Variants in RGPD2 observed in about 807,000 individuals in gnomAD.
RGPD2 encodes the protein RANBP2 like and GRIP domain containing 2, also known as RANBP2-like and GRIP domain-containing protein 2.
In RGPD2, 2 loss-of-function variants were observed where a neutral mutation model predicts 36.0. The ratio of observed to expected loss-of-function variants is 0.06; its 90% CI spans 0.02 to 0.17. RGPD2 has a LOEUF of 0.17. Ranked by LOEUF, RGPD2 falls within the 10% of genes least tolerant of loss-of-function variation. RGPD2 has a pLI of 1.00. For synonymous variants in RGPD2, 19 were observed against 163.8 expected (o/e 0.12, Z 6.75); for missense variants, 40 against 464.3 (o/e 0.09, Z 8.40).
chr2:87,988,521 ATAAATATATATATATATATATTTTTTT>A, the RGPD2 span, among the ~76,000 whole-genome samples: 1 of 27,334 alleles, frequency 3.7e-5, no homozygotes, highest in Admixed American at 4.9e-4. Context: ...ATATATACAT[ATAAATATATATATATATATATTTTTTT>A]TTTTTCTTTT....
At chr2:87,856,837 T>G in the RGPD2 span, among the ~76,000 whole-genome samples, 1 of 151,878 alleles carries the variant, frequency 6.6e-6, no homozygotes, top group South Asian at 2.1e-4. Flanking sequence ...TGCAGACGAA[T>G]TTTTTCACTT....
At chr2:87,885,502 G>T in the RGPD2 span, among the ~76,000 whole-genome samples, 1 of 151,638 alleles carries the variant, frequency 6.6e-6, no homozygotes, top group Non-Finnish European at 1.5e-5. Flanking sequence ...CCTAGCCAGA[G>T]CAATTAGGCA....
At chr2:87,907,414 T>TAAAAAAAAAAAAAAAAAAAAAAAA in the RGPD2 span, among the ~76,000 whole-genome samples, 1 of 3,440 alleles carries the variant, frequency 2.9e-4, no homozygotes, top group Non-Finnish European at 4.4e-4. Context: ...TAGAGTATAA[T>TAAAAAAAAAAAAAAAAAAAAAAAA]AAAAAAAAAA....
the RGPD2 span, among the ~76,000 whole-genome samples, chr2:87,975,040 C>T: frequency 6.6e-6 from 1 of 152,164 alleles, no homozygotes; most frequent in Non-Finnish European, 1.5e-5. Flanking sequence ...CCTATTACCC[C>T]TCTAATTTAT....
At chr2:87,986,136 CT>C in the RGPD2 span, among the ~76,000 whole-genome samples, 641 of 88,494 alleles carry the variant, frequency 7.2e-3, 12 homozygotes, top group African/African-American at 0.024. Flanking sequence ...CTGAAGACAG[CT>C]TTTTTTTTTT....
the RGPD2 span, among the ~76,000 whole-genome samples, chr2:87,832,097 A>T: frequency 6.8e-5 from 10 of 147,616 alleles, no homozygotes; most frequent in East Asian, 2.0e-3. Context: ...CTACTAAAAA[A>T]TGGTTGATTA....
At chr2:87,939,572 C>T in the RGPD2 span, among the ~76,000 whole-genome samples, 1 of 151,884 alleles carries the variant, frequency 6.6e-6, no homozygotes, top group South Asian at 2.1e-4. Context: ...AAAGTGTTAG[C>T]TTTCATTGTG....
chr2:87,915,423 A>G, the RGPD2 span, among the ~76,000 whole-genome samples: 2 of 141,734 alleles, frequency 1.4e-5, no homozygotes, highest in South Asian at 4.3e-4. Context: ...ATATATGTAT[A>G]TGTATATATG....
At chr2:87,824,960 A>G in intron 1 of RGPD2, 1 of 385,872 alleles carries the variant, frequency 2.6e-6, no homozygotes. Context: ...ACTAAATACT[A>G]CCGTATGGCC....
At chr2:87,857,202 A>G in the RGPD2 span, among the ~76,000 whole-genome samples, 1 of 152,280 alleles carries the variant, frequency 6.6e-6, no homozygotes, top group Non-Finnish European at 1.5e-5. Flanking sequence ...TTATTTTCAT[A>G]GCATAGATTA....
chr2:87,905,562 A>G, the RGPD2 span, among the ~76,000 whole-genome samples: 6 of 151,422 alleles, frequency 4.0e-5, no homozygotes, highest in Non-Finnish European at 8.8e-5. Context: ...CGATTCAATC[A>G]TTTTTAGTAA....
chr2:87,937,286 G>T, the RGPD2 span, among the ~76,000 whole-genome samples: 1 of 151,772 alleles, frequency 6.6e-6, no homozygotes, highest in Non-Finnish European at 1.5e-5. Context: ...TGAATGTCTA[G>T]ATGGAGAAGT....
chr2:87,834,451 A>G, the RGPD2 span, among the ~76,000 whole-genome samples: 10 of 152,244 alleles, frequency 6.6e-5, no homozygotes, highest in East Asian at 1.5e-3. Context: ...TGTAGAATAT[A>G]GTAAAAAATG....
At chr2:87,772,712 T>C (rs1393904532) in intron 21 of RGPD2, among the ~76,000 whole-genome samples, 2 of 95,498 alleles carry the variant, frequency 2.1e-5, no homozygotes, top group African/African-American at 3.9e-5. Context: ...AGGGGTGAAG[T>C]AGAAAAGCAA....
At chr2:87,877,435 G>T in the RGPD2 span, among the ~76,000 whole-genome samples, 1 of 152,284 alleles carries the variant, frequency 6.6e-6, no homozygotes, top group African/African-American at 2.4e-5. Flanking sequence ...TGTCTGAAAA[G>T]GAGCTTATTT....
At chr2:87,858,148 C>A in the RGPD2 span, among the ~76,000 whole-genome samples, 11 of 152,152 alleles carry the variant, frequency 7.2e-5, no homozygotes, top group East Asian at 2.1e-3. Flanking sequence ...CATGGTGGTG[C>A]GTGCCTGTAA....
the RGPD2 span, among the ~76,000 whole-genome samples, chr2:87,853,775 A>G: frequency 2.0e-5 from 3 of 151,938 alleles, no homozygotes; most frequent in Admixed American, 1.3e-4. Flanking sequence ...AAAATATTCA[A>G]TTTAATCCTT....
chr2:87,915,581 T>TGTATATACACATATATATGTGC, the RGPD2 span, among the ~76,000 whole-genome samples: 1 of 143,148 alleles, frequency 7.0e-6, no homozygotes, highest in Non-Finnish European at 1.5e-5. Flanking sequence ...TATATGTGTG[T>TGTATATACACATATATATGTGC]GTATATACAC....
At chr2:87,858,144 G>A in the RGPD2 span, among the ~76,000 whole-genome samples, 2 of 152,140 alleles carry the variant, frequency 1.3e-5, no homozygotes, top group Admixed American at 6.5e-5. Flanking sequence ...CAGGCATGGT[G>A]GTGCGTGCCT....
Sources: allele counts gnomAD v4.1 joint callset (sites outside exome capture counted in the v4.1 genomes callset), GRCh38; gene constraint gnomAD v4.1.1; transcripts MANE v1.5; gene names NCBI Gene and HGNC (gene_info 2026-07-23, HGNC 2026-07-21).